DPP6: variants seen among roughly 807,000 people sequenced by gnomAD.
The protein encoded by DPP6 is dipeptidyl peptidase like 6.
Under a neutral mutation model 122.6 loss-of-function variants are expected in DPP6, and 69 were observed. The ratio of observed to expected loss-of-function variants is 0.56; its 90% CI spans 0.46 to 0.69. The LOEUF is 0.69. DPP6 is among the 30% of genes least tolerant of loss of function. The pLI is 0.00. For missense variants in DPP6, 928 were observed against 1,116.9 expected, an observed-to-expected ratio of 0.83 and a Z score of 2.41; for synonymous variants, 418 against 433.1, an observed-to-expected ratio of 0.97 and a Z score of 0.43.
chr7:154,495,389 GTTT>G (rs34693163), intron 3 of DPP6, among the ~76,000 whole-genome samples: 3 of 148,380 alleles, frequency 2.0e-5, no homozygotes, highest in African/African-American at 5.0e-5. Flanking sequence ...GTTTGTTGTG[GTTT>G]TTTTTTTTTT....
intron 7 of DPP6, among the ~76,000 whole-genome samples, chr7:154,727,409 C>G (rs2131364396): frequency 6.6e-6 from 1 of 152,312 alleles, no homozygotes; most frequent in Middle Eastern, 3.4e-3. Flanking sequence ...CCAGTCACCT[C>G]CTACCAGGCT....
intron 1 of DPP6, among the ~76,000 whole-genome samples, chr7:154,410,110 T>C (rs1304605968): frequency 6.6e-6 from 1 of 152,220 alleles, no homozygotes; most frequent in Non-Finnish European, 1.5e-5. Flanking sequence ...GCCTGTCTCT[T>C]TGCAAATCCA....
chr7:154,804,445 A>G (rs542200164), intron 14 of DPP6, among the ~76,000 whole-genome samples: 1 of 152,326 alleles, frequency 6.6e-6, no homozygotes, highest in Admixed American at 6.5e-5. Flanking sequence ...GGACTTTACC[A>G]CCATACAATT....
At chr7:154,385,871 C>T (rs1238212889) in intron 1 of DPP6, among the ~76,000 whole-genome samples, 1 of 152,178 alleles carries the variant, frequency 6.6e-6, no homozygotes, top group Non-Finnish European at 1.5e-5. Flanking sequence ...TCTGCAGCCC[C>T]TCACAGCCTT....
intron 1 of DPP6, among the ~76,000 whole-genome samples, chr7:154,374,010 CTGAT>C (rs1812898704): frequency 6.6e-6 from 1 of 152,200 alleles, no homozygotes; most frequent in African/African-American, 2.4e-5. Context: ...AAGTTTTAAA[CTGAT>C]TGCCTTATAA....
chr7:154,293,869 C>T (rs976146187), intron 1 of DPP6, among the ~76,000 whole-genome samples: 1 of 152,152 alleles, frequency 6.6e-6, no homozygotes, highest in African/African-American at 2.4e-5. Flanking sequence ...CAAAAGTTCT[C>T]TCCCTGATAC....
At chr7:153,887,886 G>A (rs909086019) in intron 1 of DPP6, among the ~76,000 whole-genome samples, 4 of 144,088 alleles carry the variant, frequency 2.8e-5, no homozygotes, top group African/African-American at 9.9e-5. Context: ...CTTCCCACCC[G>A]AGCCCACCCA....
At chr7:154,429,295 A>G (rs1418691568) in intron 1 of DPP6, among the ~76,000 whole-genome samples, 1 of 152,158 alleles carries the variant, frequency 6.6e-6, no homozygotes, top group Non-Finnish European at 1.5e-5. Flanking sequence ...AGGCCTAACG[A>G]ATTTGCTGAC....
chr7:154,874,640 C>T (rs1043606539), intron 19 of DPP6, among the ~76,000 whole-genome samples: 10 of 152,336 alleles, frequency 6.6e-5, no homozygotes, highest in African/African-American at 2.4e-4. Context: ...CCTCCTGCCC[C>T]CACCCCACTC....
At chr7:154,302,119 T>G (rs1805950326) in intron 1 of DPP6, among the ~76,000 whole-genome samples, 2 of 152,164 alleles carry the variant, frequency 1.3e-5, no homozygotes, top group Admixed American at 1.3e-4. Flanking sequence ...GTACAGCAGA[T>G]CTGTCAAACT....
the DPP6 span, among the ~76,000 whole-genome samples, chr7:153,879,593 T>C: frequency 1.3e-5 from 2 of 152,118 alleles, no homozygotes; most frequent in Non-Finnish European, 2.9e-5. Context: ...TTTCACCACA[T>C]TGGTCAGGCT....
At chr7:153,852,574 A>T in the DPP6 span, among the ~76,000 whole-genome samples, 1 of 152,128 alleles carries the variant, frequency 6.6e-6, no homozygotes, top group African/African-American at 2.4e-5. Context: ...CCCCACCTCC[A>T]ACACTGGGGA....
At chr7:154,188,348 T>A (rs1045283581) in intron 1 of DPP6, among the ~76,000 whole-genome samples, 1 of 152,272 alleles carries the variant, frequency 6.6e-6, no homozygotes, top group Middle Eastern at 3.4e-3. Context: ...TACACCGAGG[T>A]CTAATCAGAT....
intron 1 of DPP6, among the ~76,000 whole-genome samples, chr7:154,173,881 C>G (rs115468478): frequency 1.3e-5 from 2 of 152,120 alleles, no homozygotes; most frequent in Admixed American, 6.5e-5. Flanking sequence ...CTCTGACGGG[C>G]GGGACCCTGA....
intron 1 of DPP6, among the ~76,000 whole-genome samples, chr7:154,298,045 G>A (rs1000585199): frequency 1.3e-5 from 2 of 152,132 alleles, no homozygotes; most frequent in Non-Finnish European, 2.9e-5. Flanking sequence ...AGTAGAGCAG[G>A]TCCCCCTCTA....
intron 5 of DPP6, among the ~76,000 whole-genome samples, chr7:154,590,230 C>A (rs1832723225): frequency 6.6e-6 from 1 of 152,156 alleles, no homozygotes; most frequent in South Asian, 2.1e-4. Context: ...CCCAGGGGAG[C>A]ATCTCTAGCC....
intron 1 of DPP6, among the ~76,000 whole-genome samples, chr7:154,270,333 A>G (rs557149220): frequency 1.1e-4 from 16 of 152,344 alleles, no homozygotes; most frequent in African/African-American, 3.8e-4. Flanking sequence ...TATGATCATT[A>G]CTGTTTATGA....
chr7:154,437,139 A>T (rs183442079), intron 1 of DPP6, among the ~76,000 whole-genome samples: 1 of 152,340 alleles, frequency 6.6e-6, no homozygotes. Flanking sequence ...CTAAGGTTAC[A>T]GGTGAATAAA....
chr7:154,302,454 G>C (rs1044547277), intron 1 of DPP6, among the ~76,000 whole-genome samples: 1 of 152,204 alleles, frequency 6.6e-6, no homozygotes, highest in Non-Finnish European at 1.5e-5. Context: ...GAAAGGTACT[G>C]AGTGGCACAA....
Sources: gnomAD v4.1 joint callset for allele counts (sites outside exome capture counted in the v4.1 genomes callset) on GRCh38, gnomAD v4.1.1 for gene constraint, MANE v1.5 for transcripts, NCBI Gene and HGNC (gene_info 2026-07-23, HGNC 2026-07-21) for gene names.